ANO6: variants seen among roughly 807,000 people sequenced by gnomAD.
The protein encoded by ANO6 is anoctamin 6, also known as anoctamin-6.
In ANO6, 106 loss-of-function variants were observed where a neutral mutation model predicts 117.5. The ratio of observed to expected loss-of-function variants is 0.90; its 90% CI spans 0.77 to 1.06. The LOEUF (loss-of-function observed/expected upper bound fraction) is 1.06, where lower values mean the gene tolerates loss of function less well. ANO6 is among the 50% of genes least tolerant of loss of function. The probability of loss-of-function intolerance (pLI) is 0.00; values close to 1 mark genes in which losing one functional copy is unlikely to be tolerated. For missense variants in ANO6, 955 were observed against 1,121.1 expected (o/e 0.85, Z 2.12); for synonymous variants, 367 against 385.1 (o/e 0.95, Z 0.55).
chr12:45,225,113 A>G (rs1298118962), intron 1 of ANO6, among the ~76,000 whole-genome samples: 1 of 151,054 alleles, frequency 6.6e-6, no homozygotes, highest in Non-Finnish European at 1.5e-5. Flanking sequence ...AATTGAACCC[A>G]GGAAGCCAAG....
At chr12:45,385,266 T>G (rs2137566923) in intron 10 of ANO6, among the ~76,000 whole-genome samples, 1 of 151,802 alleles carries the variant, frequency 6.6e-6, no homozygotes, top group East Asian at 1.9e-4. Context: ...AGAAGAAGGG[T>G]TGACAAAGGG....
rs1943602580 is a variant in ANO6, at chr12:45,430,310, C to T, written c.*999C>T. ...TCACCAGCTGCCTTTGTGAATGGCT[C>T]ACTACACAGCCATTGGGGTACAACT... On this transcript the variant is annotated 3_prime_UTR_variant, in exon 20 of 20. Transcript: ENST00000320560. The T allele has an allele frequency of 4.1e-6, 4 of 985,278 alleles. No individual in the cohort carries two copies. The highest frequency in any genetic ancestry group is 1.7e-5 in the African/African-American group (1 of 57,230). The allele number at this position is 985,278 out of a possible 1,614,324, so 61.0% of individuals were successfully genotyped here.
chr12:45,388,731 C>G (rs915884751), intron 11 of ANO6, among the ~76,000 whole-genome samples: 3 of 152,076 alleles, frequency 2.0e-5, no homozygotes, highest in African/African-American at 7.2e-5. Context: ...TTGCAGTAAG[C>G]CTCAGTCACT....
At chr12:45,333,883 A>C (rs147611475) in intron 3 of ANO6, among the ~76,000 whole-genome samples, 30 of 152,152 alleles carry the variant, frequency 2.0e-4, no homozygotes, top group African/African-American at 7.2e-4. Flanking sequence ...AAAAAAACTT[A>C]TGTGTAAACC....
chr12:45,397,306 T>G (rs911599113), intron 12 of ANO6, among the ~76,000 whole-genome samples: 5 of 152,132 alleles, frequency 3.3e-5, no homozygotes, highest in Admixed American at 1.3e-4. Context: ...TCACACCAGT[T>G]AGAATGGTGA....
intron 1 of ANO6, among the ~76,000 whole-genome samples, chr12:45,244,564 A>C (rs1407248479): frequency 6.6e-6 from 1 of 152,184 alleles, no homozygotes; most frequent in East Asian, 1.9e-4. Context: ...TCCTTGATCC[A>C]AAAGGGGACT....
intron 1 of ANO6, among the ~76,000 whole-genome samples, chr12:45,248,710 G>C (rs559789571): frequency 6.6e-6 from 1 of 152,066 alleles, no homozygotes; most frequent in African/African-American, 2.4e-5. Flanking sequence ...GAGCCTCCAC[G>C]CCTGGCACAA....
chr12:45,377,847 C>CAA (rs1362245006), intron 9 of ANO6, among the ~76,000 whole-genome samples: 1 of 152,140 alleles, frequency 6.6e-6, no homozygotes, highest in Non-Finnish European at 1.5e-5. Flanking sequence ...GTTAATACAG[C>CAA]AAAGACTTTG....
At chr12:45,303,131 G>A (rs528984460) in intron 2 of ANO6, among the ~76,000 whole-genome samples, 1 of 152,248 alleles carries the variant, frequency 6.6e-6, no homozygotes, top group East Asian at 1.9e-4. Context: ...TATCCACAAT[G>A]CCATTTTATT....
intron 1 of ANO6, among the ~76,000 whole-genome samples, chr12:45,219,820 A>G (rs896619419): frequency 5.9e-5 from 9 of 152,170 alleles, no homozygotes; most frequent in Admixed American, 4.6e-4. Context: ...CATTTTTGCA[A>G]TAGGCCACTT....
rs370614802 is a variant in ANO6, at chr12:45,302,103, A to G, written c.150+10A>G. On this transcript the variant is annotated intron_variant, in intron 2 of 19. Coordinates refer to ENST00000320560, the MANE Select transcript of ANO6 (RefSeq NM_001025356.3). ...TCGAACCCCGGAGTTTGTGAGTACT[A>G]TTCCTTTATCTTAAATTTGTATTCT... The G allele has an allele frequency of 1.2e-5, 20 of 1,611,548 alleles. No homozygotes were observed. The Admixed American group carries it at 2.2e-4, about 17-fold the overall frequency.
In ANO6 at chr12:45,403,468, G is replaced by A; in HGVS notation, c.1812G>A (p.Leu604=). Residue 604 remains leucine, a synonymous_variant, in exon 15 of 20, where the codon CTG becomes CTA. Transcript: ENST00000320560. ...ACCCAGGTGGCTGTCTTCTTGAACT[G>A]ACAACTCAGCTGACAATAATCATGG... ...ECDPGGCLLE[L]TTQLTIIMGG... 1.9e-6 allele frequency: 3 copies of A among 1,613,890 alleles called. No homozygotes were observed. Among genetic ancestry groups the A allele is most frequent in the Non-Finnish European group, 1.7e-6 (2 of 1,179,834 alleles).
At chr12:45,359,644 AAAT>A (rs1305238954) in intron 8 of ANO6, among the ~76,000 whole-genome samples, 13 of 152,220 alleles carry the variant, frequency 8.5e-5, no homozygotes, top group African/African-American at 3.1e-4. Flanking sequence ...TTTTGTGGCC[AAAT>A]AATACTCCAT....
chr12:45,324,663 C>T (rs1446486248), intron 2 of ANO6, among the ~76,000 whole-genome samples: 1 of 152,052 alleles, frequency 6.6e-6, no homozygotes, highest in African/African-American at 2.4e-5. Context: ...AGAAATTGTA[C>T]CAGGAAAAAC....
chr12:45,406,164 C>T (rs986570637), intron 15 of ANO6, among the ~76,000 whole-genome samples: 1 of 152,246 alleles, frequency 6.6e-6, no homozygotes, highest in Non-Finnish European at 1.5e-5. Context: ...GATCCAGGTT[C>T]CTTTTGGGGC....
intron 1 of ANO6, among the ~76,000 whole-genome samples, chr12:45,235,665 A>G (rs1488177049): frequency 3.3e-5 from 5 of 152,208 alleles, no homozygotes; most frequent in African/African-American, 1.2e-4. Flanking sequence ...TTCAGTATGG[A>G]AAATGGATAT....
rs145896287 is a variant in ANO6 at position 45,357,362 on chromosome 12, C to T, written c.936C>T (p.Ala312=). ...LGYYTQMLLL[A]AVVGVACFLY... is the part of the protein sequence containing the mutation. ...ATTACACTCAGATGCTTCTCCTGGCCGCAGTTGTAGGAGTGGCTTGCTTTC... is the reference window on the plus strand; with the variant it reads ...ATTACACTCAGATGCTTCTCCTGGCTGCAGTTGTAGGAGTGGCTTGCTTTC... Residue 312 remains alanine (A), a synonymous_variant, in exon 8 of 20, where the codon GCC becomes GCT. Coordinates refer to ENST00000320560, the MANE Select transcript of ANO6 (RefSeq NM_001025356.3). The T allele has an allele frequency of 0.01, 16,395 of 1,613,956 alleles. 106 individuals are homozygous for T. Among genetic ancestry groups the T allele is most frequent in the Non-Finnish European group, 0.012 (14,357 of 1,179,968 alleles).
At chr12:45,229,390 GTT>G (rs11422062) in intron 1 of ANO6, among the ~76,000 whole-genome samples, 2 of 127,330 alleles carry the variant, frequency 1.6e-5, no homozygotes, top group African/African-American at 3.0e-5. Context: ...TTTATTTTTA[GTT>G]TTTTTTTTTT....
intron 16 of ANO6, among the ~76,000 whole-genome samples, chr12:45,416,138 T>C (rs887622461): frequency 6.6e-6 from 1 of 152,248 alleles, no homozygotes; most frequent in African/African-American, 2.4e-5. Flanking sequence ...TTATCACATA[T>C]ATTTCTGTGA....
Sources: gnomAD v4.1 joint callset for allele counts (sites outside exome capture counted in the v4.1 genomes callset) on GRCh38, gnomAD v4.1.1 for gene constraint, MANE v1.5 for transcripts, NCBI Gene and HGNC (gene_info 2026-07-23, HGNC 2026-07-21) for gene names.